Variants in PCGF3 observed in about 807,000 individuals in gnomAD.
The protein encoded by PCGF3 is polycomb group ring finger 3.
In PCGF3, 7 loss-of-function variants were observed where a neutral mutation model predicts 33.1. That is an observed-to-expected ratio of 0.21 (90% CI 0.12 to 0.40). The LOEUF (loss-of-function observed/expected upper bound fraction) is 0.40. Among genes scored for constraint, PCGF3 ranks in the 10% least tolerant of loss-of-function variants. PCGF3 has a pLI of 1.00. For synonymous variants in PCGF3, 153 were observed against 121.3 expected (o/e 1.26, Z -1.72); for missense variants, 211 against 313.3 (o/e 0.67, Z 2.46).
chr4:733,893 G>T, intron 4 of PCGF3, 104 bp downstream of exon 4: 3 of 1,591,702 alleles, frequency 1.9e-6, no homozygotes, highest in Admixed American at 1.8e-5. Flanking sequence ...GCTCAAGCCC[G>T]ACAAAAGCAG....
chr4:715,855 T>G (rs71604304), intron 1 of PCGF3, among the ~76,000 whole-genome samples: 1 of 110,882 alleles, frequency 9.0e-6, no homozygotes. Context: ...ACACTGTGAG[T>G]GTGAGAACTG....
At chr4:717,708 C>G (rs1289211858) in intron 1 of PCGF3, among the ~76,000 whole-genome samples, 3 of 152,234 alleles carry the variant, frequency 2.0e-5, no homozygotes, top group Admixed American at 2.0e-4. Flanking sequence ...AAGGTAGTCT[C>G]TGCAGCATAC....
chr4:728,386 TGTC>T (rs1057403464), intron 1 of PCGF3, among the ~76,000 whole-genome samples: 2 of 150,984 alleles, frequency 1.3e-5, no homozygotes, highest in African/African-American at 4.9e-5. Context: ...GCGTGTTAAG[TGTC>T]GTAAGTAATC....
rs550089249 is a variant in PCGF3, at chr4:738,513, C to T, written c.262+992C>T. ...CGCGTAGCAGTGGGCGGGATCGGGGCGGGACCCCAAGTTTTGTGACCCCCG... is the reference window on the plus strand; with the variant it reads ...CGCGTAGCAGTGGGCGGGATCGGGGTGGGACCCCAAGTTTTGTGACCCCCG... On this transcript the variant is annotated intron_variant, in intron 6 of 10. Transcript: ENST00000362003. Among the ~76,000 whole-genome samples, 8 of 151,552 alleles carry T rather than the reference C, an allele frequency of 5.3e-5. No individual in the cohort carries two copies. In the East Asian group the frequency reaches 7.8e-4, roughly 15 times the overall value.
intron 8 of PCGF3, among the ~76,000 whole-genome samples, chr4:753,052 TG>T (rs1183081740): frequency 6.6e-6 from 1 of 152,250 alleles, no homozygotes; most frequent in Non-Finnish European, 1.5e-5. Flanking sequence ...CGGCCCTCAC[TG>T]GAGGCCCCTC....
intron 1 of PCGF3, among the ~76,000 whole-genome samples, chr4:711,449 T>TTC (rs1328949471): frequency 1.1e-5 from 1 of 90,186 alleles, no homozygotes; most frequent in Non-Finnish European, 2.8e-5. Flanking sequence ...TTTTCTTTTT[T>TTC]TTTTCTTTTT....
At position 710,619 on chromosome 4, in the gene PCGF3, G is replaced by A. The variant is rs928593768; in HGVS notation, c.-190+4649G>A. Among the ~76,000 whole-genome samples the A allele has an allele frequency of 9.2e-5, 14 of 152,372 alleles. 3 individuals carry two copies. The highest frequency in any genetic ancestry group is 6.5e-5 in the Admixed American group (1 of 15,314). ...CTGTTCAGCTGTCTCTTTAATTGGT[G>A]TGGGTTTCTCCGATGTCACCGTCAT... On this transcript the variant is annotated intron_variant, in intron 1 of 10. Transcript: ENST00000362003.
At position 747,627 on chromosome 4, in the gene PCGF3, GC is replaced by G. The variant is rs1265912347; in HGVS notation, c.462+2940del. Among the ~76,000 whole-genome samples the G allele has an allele frequency of 1.1e-3, 82 of 76,076 alleles. 8 individuals are homozygous for G. The highest frequency in any genetic ancestry group is 2.0e-3 in the South Asian group (3 of 1,510). 49.9% of individuals were successfully genotyped at this position (76,076 alleles called of 152,430 possible). On this transcript the variant is annotated intron_variant, in intron 8 of 10. Transcript: ENST00000362003. ...GCCCGGGGGTCGCTGCAGTGTTAGT[GC>G]TCGCCGTGGAGGCGTGAGCAGGTGG...
intron 8 of PCGF3, among the ~76,000 whole-genome samples, chr4:752,649 G>A (rs1019740333): frequency 1.3e-5 from 2 of 152,176 alleles, no homozygotes; most frequent in African/African-American, 4.8e-5. Flanking sequence ...CGGGGGTGGG[G>A]GGCCATGCAG....
intron 3 of PCGF3, chr4:731,400 C>G (rs972862385): frequency 2.1e-5 from 8 of 380,450 alleles, no homozygotes; most frequent in Non-Finnish European, 4.7e-6. Context: ...TGCTTGGGGG[C>G]CGAGCCTGGG....
Position 738,529 on chromosome 4 carries a change from G to C in PCGF3, c.262+1008G>C, listed in dbSNP as rs111981388. ...GGATCGGGGCGGGACCCCAAGTTTT[G>C]TGACCCCCGCCAGTGCTGACACTTT... is the stretch of plus-strand genomic sequence containing the variant. On this transcript the variant is annotated intron_variant, in intron 6 of 10. Coordinates refer to ENST00000362003, the Ensembl canonical transcript of PCGF3. Among the ~76,000 whole-genome samples the C allele has an allele frequency of 3.5e-4, 52 of 148,432 alleles. 1 individual carries two copies. Among genetic ancestry groups the C allele is most frequent in the African/African-American group, 1.3e-3 (51 of 40,294 alleles).
chr4:766,966 T>C (rs1468776902), exon 11 of PCGF3: 2 of 152,296 alleles, frequency 1.3e-5, no homozygotes, highest in African/African-American at 4.8e-5. Flanking sequence ...GGAGAGGTGG[T>C]GGTGGTTAGG....
chr4:733,041 T>A (rs1188928124), intron 3 of PCGF3, among the ~76,000 whole-genome samples: 1 of 148,154 alleles, frequency 6.7e-6, no homozygotes, highest in Non-Finnish European at 1.5e-5. Context: ...CCTGTGAGGG[T>A]AGGGTGGGGC....
chr4:760,174 A>G (rs951080725), intron 8 of PCGF3, among the ~76,000 whole-genome samples: 18 of 152,134 alleles, frequency 1.2e-4, no homozygotes, highest in African/African-American at 4.1e-4. Context: ...TATTTCTTGT[A>G]TTTTGGATTC....
chr4:739,842 G>A (rs77052907), intron 6 of PCGF3, among the ~76,000 whole-genome samples: 2,769 of 152,326 alleles, frequency 0.018, 41 homozygotes, highest in East Asian at 0.051. Flanking sequence ...TGAAGAAGTC[G>A]AGAGGCAAGA....
intron 9 of PCGF3, chr4:761,640 G>A (rs899111791): frequency 1.2e-5 from 12 of 983,508 alleles, no homozygotes; most frequent in Non-Finnish European, 1.4e-5. Flanking sequence ...GTGAGTGGAA[G>A]AGAGAACTAG....
intron 6 of PCGF3, among the ~76,000 whole-genome samples, chr4:741,859 T>G (rs149438753): frequency 4.6e-5 from 7 of 152,224 alleles, no homozygotes; most frequent in East Asian, 3.9e-4. Flanking sequence ...TCCGTGGGGC[T>G]CTCTCCTTTG....
At chr4:768,110 TGCTAA>T (rs1301620495) in exon 11 of PCGF3, 46 of 152,836 alleles carry the variant, frequency 3.0e-4, no homozygotes, top group Admixed American at 6.5e-4. Context: ...TTTGCAATGG[TGCTAA>T]GCTGATAGAT....
intron 1 of PCGF3, among the ~76,000 whole-genome samples, chr4:706,516 G>C (rs937375150): frequency 8.9e-5 from 13 of 146,520 alleles, no homozygotes; most frequent in Non-Finnish European, 4.5e-5. Flanking sequence ...AGGACCCCGG[G>C]AGGGCCAAGA....
Sources: gnomAD v4.1 joint callset for allele counts (sites outside exome capture counted in the v4.1 genomes callset) on GRCh38, gnomAD v4.1.1 for gene constraint, MANE v1.5 for transcripts, NCBI Gene and HGNC (gene_info 2026-07-23, HGNC 2026-07-21) for gene names.